GREB1L: variants seen among roughly 807,000 people sequenced by gnomAD.
GREB1L encodes the protein GREB1 like retinoic acid receptor coactivator.
A neutral mutation model predicts 200.8 loss-of-function variants in GREB1L; 17 were observed. That is an observed-to-expected ratio of 0.08 (90% confidence interval 0.06 to 0.13). The LOEUF is 0.13. Ranked by LOEUF, GREB1L falls within the 10% of genes least tolerant of loss-of-function variation. The pLI is 1.00. For synonymous variants in GREB1L, 789 were observed against 893.0 expected, an observed-to-expected ratio of 0.88 and a Z score of 2.08; for missense variants, 1,657 against 2,367.7, an observed-to-expected ratio of 0.70 and a Z score of 6.23.
chr18:21,414,637 A>G (rs1472902222), intron 7 of GREB1L, among the ~76,000 whole-genome samples: 1 of 152,168 alleles, frequency 6.6e-6, no homozygotes, highest in Admixed American at 6.5e-5. Context: ...GGGTACTAGG[A>G]GATGAGGGTA....
At chr18:21,396,134 T>C (rs1438168754) in intron 5 of GREB1L, among the ~76,000 whole-genome samples, 1 of 151,176 alleles carries the variant, frequency 6.6e-6, no homozygotes, top group African/African-American at 2.4e-5. Flanking sequence ...AACCTCTGCC[T>C]CCTGGGTTCA....
At chr18:21,457,900 T>G (rs1021860792) in intron 15 of GREB1L, among the ~76,000 whole-genome samples, 1 of 151,962 alleles carries the variant, frequency 6.6e-6, no homozygotes, top group East Asian at 1.9e-4. Context: ...TATGTCATCA[T>G]GTGAATTGAG....
At position 21,441,542 on chromosome 18, in the gene GREB1L, G is replaced by A; in HGVS notation, c.1207+5G>A. ...TTAGACCAGTAATTCTGATAGGTAA[G>A]GTAATGGAATTCCAAGTTGCCTGTG... On this transcript the variant is annotated splice_donor_5th_base_variant and intron_variant, in intron 10 of 32. Transcript: ENST00000424526. 6.5e-7 allele frequency: 1 copy of A among 1,543,222 alleles called. No individual in the cohort carries two copies. Among genetic ancestry groups the A allele is most frequent in the South Asian group, 1.2e-5 (1 of 81,440 alleles).
rs1395078257 is a variant in GREB1L at position 21,395,488 on chromosome 18, G to A, written c.459G>A (p.Leu153=). 1.9e-6 allele frequency: 3 copies of A among 1,551,364 alleles called. No homozygotes were observed. Among genetic ancestry groups the A allele is most frequent in the Non-Finnish European group, 2.6e-6 (3 of 1,146,792 alleles). ...FLLVGAKSPN[L]PEHILVCAVD... ...TGGTGGGGGCCAAGTCTCCCAATCT[G>A]CCTGAACACATCCTAGTTTGTGCTG... is the stretch of plus-strand genomic sequence containing the variant. The change falls in exon 5 of 33, where the codon CTG becomes CTA. Residue 153 remains leucine (L), a synonymous_variant. Coordinates refer to ENST00000424526, the MANE Select transcript of GREB1L (RefSeq NM_001142966.3).
intron 7 of GREB1L, 74 bp downstream of exon 7, chr18:21,404,068 CT>C: frequency 7.7e-7 from 1 of 1,294,608 alleles, no homozygotes; most frequent in Admixed American, 2.1e-5. Flanking sequence ...TATATACTTA[CT>C]GCTGGCTGGT....
chr18:21,402,507 T>C (rs1002838372), intron 6 of GREB1L, among the ~76,000 whole-genome samples: 42 of 151,098 alleles, frequency 2.8e-4, no homozygotes, highest in Admixed American at 2.3e-3. Flanking sequence ...TTCCCTTTCC[T>C]TTTCCTTTCC....
intron 1 of GREB1L, among the ~76,000 whole-genome samples, chr18:21,336,113 A>G (rs2039181424): frequency 6.6e-6 from 1 of 152,174 alleles, no homozygotes; most frequent in Non-Finnish European, 1.5e-5. Context: ...TACAGGTGAA[A>G]GGTAATCACT....
rs1264135524 is a variant in GREB1L at position 21,385,254 on chromosome 18, G to A, written c.355+851G>A. On this transcript the variant is annotated intron_variant, in intron 4 of 32. Transcript: ENST00000424526. ...GGGGAAATGGGAGAAGAAGAAAAGG[G>A]ATATAATTTCAGAACATTCCTCTTA... Among the ~76,000 whole-genome samples the A allele has an allele frequency of 8.5e-5, 13 of 152,208 alleles. No individual in the cohort carries two copies. In the South Asian group the frequency reaches 2.7e-3, roughly 32 times the overall value.
intron 11 of GREB1L, 95 bp downstream of exon 11, chr18:21,444,504 C>G: frequency 1.0e-6 from 1 of 978,026 alleles, no homozygotes; most frequent in East Asian, 2.6e-5. Context: ...CCTCCTATCT[C>G]TTATTTTCCC....
chr18:21,508,494 C>G lies in GREB1L; in HGVS notation c.4638C>G (p.Leu1546=), dbSNP rs1259586699. 6.4e-7 allele frequency: 1 copy of G among 1,551,630 alleles called. No homozygotes were observed. The highest frequency in any genetic ancestry group is 2.0e-5 in the Admixed American group (1 of 50,982). The stretch of plus-strand genomic sequence containing the variant: ...TGGAGGGCATCAGCCACCTTCACCT[C>G]CTGGTGGTCAAAGAGTATGAGATGC... ...HAMEGISHLH[L]LVVKEYEMPL... Residue 1546 remains leucine, a synonymous_variant, in exon 27 of 33, where the codon CTC becomes CTG. Transcript: ENST00000424526.
chr18:21,372,925 T>TTTTTC (rs928169062), intron 2 of GREB1L, among the ~76,000 whole-genome samples: 14 of 152,028 alleles, frequency 9.2e-5, no homozygotes, highest in African/African-American at 2.2e-4. Flanking sequence ...CAATTTTTCC[T>TTTTTC]TTTTCTTTTC....
At chr18:21,331,245 T>C (rs1350624364) in intron 1 of GREB1L, among the ~76,000 whole-genome samples, 1 of 152,204 alleles carries the variant, frequency 6.6e-6, no homozygotes, top group Non-Finnish European at 1.5e-5. Context: ...CTATCAATCA[T>C]GCAGAGATTT....
At chr18:21,420,178 C>T (rs2032032098) in intron 7 of GREB1L, among the ~76,000 whole-genome samples, 1 of 152,088 alleles carries the variant, frequency 6.6e-6, no homozygotes, top group Admixed American at 6.6e-5. Context: ...TGACACCAGC[C>T]TAGCCAACAT....
chr18:21,443,979 G>A (rs532901743), intron 10 of GREB1L, among the ~76,000 whole-genome samples: 38 of 152,310 alleles, frequency 2.5e-4, no homozygotes, highest in African/African-American at 8.9e-4. Context: ...TTGATTGAAC[G>A]TGGAACCCAC....
chr18:21,281,102 G>A (rs748526718), intron 1 of GREB1L, among the ~76,000 whole-genome samples: 4 of 152,196 alleles, frequency 2.6e-5, no homozygotes, highest in African/African-American at 4.8e-5. Context: ...AGGTATAGTT[G>A]CCTGCCTGGA....
Position 21,499,725 on chromosome 18 carries a change from A to G in GREB1L, c.3392-4A>G. 1 of 1,547,204 alleles carries G rather than the reference A, an allele frequency of 6.5e-7. No individual in the cohort carries two copies. Among genetic ancestry groups the G allele is most frequent in the Non-Finnish European group, 8.7e-7 (1 of 1,143,016 alleles). ...TGGGGTGGGTTCTGTCTGTTCTCTC[A>G]CAGGTTCCATCATGGAGAATGGAGT... On this transcript the variant is annotated splice_region_variant and splice_polypyrimidine_tract_variant and intron_variant, in intron 21 of 32. Coordinates refer to ENST00000424526, the MANE Select transcript of GREB1L (RefSeq NM_001142966.3).
At chr18:21,246,054 T>C (rs576805586) in intron 1 of GREB1L, among the ~76,000 whole-genome samples, 6 of 152,180 alleles carry the variant, frequency 3.9e-5, no homozygotes, top group Admixed American at 2.6e-4. Context: ...GTAACTTTAT[T>C]TCTTTTCTTT....
At chr18:21,454,743 T>A in intron 15 of GREB1L, 180 bp downstream of exon 15, 2 of 613,890 alleles carry the variant, frequency 3.3e-6, no homozygotes, top group Non-Finnish European at 5.8e-6. Flanking sequence ...TACTCTGTCC[T>A]TTTTCCCTCA....
At chr18:21,433,228 T>G (rs1376924031) in intron 7 of GREB1L, among the ~76,000 whole-genome samples, 1 of 152,234 alleles carries the variant, frequency 6.6e-6, no homozygotes, top group African/African-American at 2.4e-5. Context: ...GGCATTTTAT[T>G]TAACTATGGA....
Sources: gnomAD v4.1 joint callset for allele counts (sites outside exome capture counted in the v4.1 genomes callset) on GRCh38, gnomAD v4.1.1 for gene constraint, MANE v1.5 for transcripts, NCBI Gene and HGNC (gene_info 2026-07-23, HGNC 2026-07-21) for gene names.